Variants in RPS6KC1 observed in about 807,000 individuals in gnomAD.
RPS6KC1 encodes the protein inactive ribosomal protein S6 kinase delta-1.
In RPS6KC1, 54 loss-of-function variants were observed where a neutral mutation model predicts 103.8. The observed-to-expected ratio is 0.52, with a 90% confidence interval of 0.42 to 0.65. The LOEUF (loss-of-function observed/expected upper bound fraction) is 0.65, where lower values mean the gene tolerates loss of function less well. Among genes scored for constraint, RPS6KC1 ranks in the 30% least tolerant of loss-of-function variants. The probability of loss-of-function intolerance (pLI) is 0.00; values close to 1 mark genes in which losing one functional copy is unlikely to be tolerated. For synonymous variants in RPS6KC1, 439 were observed against 438.7 expected (o/e 1.00, Z -0.01); for missense variants, 1,151 against 1,253.8 (o/e 0.92, Z 1.24).
chr1:213,241,238 G>A lies in RPS6KC1; in HGVS notation c.1762G>A (p.Asp588Asn), dbSNP rs2094344743. The change falls in exon 11 of 15, where the codon GAT becomes AAT. Residue 588 changes from aspartate to asparagine, a missense_variant. Physicochemically the swap from Asp to Asn is conservative, Grantham distance 23. Coordinates refer to ENST00000366960, the MANE Select transcript of RPS6KC1 (RefSeq NM_012424.6). ...AGCAGTTAGTTCTCCAAGAACATCA[G>A]ATTCCCTCAGTAGATCAAAAAATAG... is the stretch of plus-strand genomic sequence containing the variant. The part of the protein sequence containing the change: ...PEAVSSPRTS[D>N]SLSRSKNSPM... The A allele has an allele frequency of 3.7e-6, 6 of 1,613,852 alleles. No individual in the cohort carries two copies. Among genetic ancestry groups the A allele is most frequent in the Non-Finnish European group, 5.1e-6 (6 of 1,179,864 alleles).
the RPS6KC1 span, among the ~76,000 whole-genome samples, chr1:213,751,163 G>A: frequency 1.3e-5 from 2 of 152,016 alleles, no homozygotes; most frequent in Non-Finnish European, 2.9e-5. Context: ...AGTGTATCTG[G>A]CCCAAAGTGC....
the RPS6KC1 span, among the ~76,000 whole-genome samples, chr1:213,721,619 A>G: frequency 6.6e-6 from 1 of 152,152 alleles, no homozygotes; most frequent in African/African-American, 2.4e-5. Flanking sequence ...ACAGACTAAT[A>G]TACCATGTCA....
the RPS6KC1 span, among the ~76,000 whole-genome samples, chr1:213,707,712 T>G: frequency 6.6e-6 from 1 of 152,252 alleles, no homozygotes; most frequent in Non-Finnish European, 1.5e-5. Flanking sequence ...TTGAGTTAAT[T>G]TTTGTATAAG....
chr1:213,235,496 G>A (rs1439085561), intron 10 of RPS6KC1, among the ~76,000 whole-genome samples: 1 of 152,112 alleles, frequency 6.6e-6, no homozygotes, highest in Admixed American at 6.6e-5. Context: ...TATATAGGGT[G>A]GTCATCTTAT....
At chr1:213,530,667 G>A in the RPS6KC1 span, among the ~76,000 whole-genome samples, 6 of 152,252 alleles carry the variant, frequency 3.9e-5, no homozygotes, top group Non-Finnish European at 7.3e-5. Flanking sequence ...AGGTGGACCT[G>A]ACTCTTGAGG....
the RPS6KC1 span, among the ~76,000 whole-genome samples, chr1:213,498,311 C>A: frequency 6.6e-6 from 1 of 152,132 alleles, no homozygotes; most frequent in Admixed American, 6.5e-5. Flanking sequence ...CAAGAATTTT[C>A]ATTCCAGTTA....
chr1:213,266,206 GGTCAACAAAA>G (rs1331519172), intron 14 of RPS6KC1, among the ~76,000 whole-genome samples: 2 of 152,030 alleles, frequency 1.3e-5, no homozygotes, highest in Non-Finnish European at 2.9e-5. Context: ...TATTGACACA[GGTCAACAAAA>G]TTCCAAAAAA....
chr1:213,088,165 C>T (rs531105869), intron 3 of RPS6KC1, among the ~76,000 whole-genome samples: 57 of 152,238 alleles, frequency 3.7e-4, no homozygotes, highest in African/African-American at 1.3e-3. Flanking sequence ...TGTGGTTCAA[C>T]GATGGCCCAG....
intron 8 of RPS6KC1, among the ~76,000 whole-genome samples, chr1:213,183,843 T>C (rs2148392421): frequency 6.6e-6 from 1 of 152,262 alleles, no homozygotes; most frequent in East Asian, 1.9e-4. Context: ...GTAAAGCTGG[T>C]TCTTTTCAAA....
the RPS6KC1 span, among the ~76,000 whole-genome samples, chr1:213,623,843 G>A: frequency 2.0e-5 from 3 of 152,210 alleles, no homozygotes; most frequent in Non-Finnish European, 2.9e-5. Context: ...TCTGTGGAGG[G>A]CAGCAAGGTG....
chr1:213,622,235 C>CT, the RPS6KC1 span, among the ~76,000 whole-genome samples: 1,223 of 144,552 alleles, frequency 8.5e-3, 13 homozygotes, highest in African/African-American at 0.012. Flanking sequence ...CAAGTAATGT[C>CT]TTTTTTTTTT....
At chr1:213,712,044 G>A in the RPS6KC1 span, among the ~76,000 whole-genome samples, 1 of 152,200 alleles carries the variant, frequency 6.6e-6, no homozygotes, top group Non-Finnish European at 1.5e-5. Flanking sequence ...CAAGCGCTGT[G>A]CCGGTACATC....
intron 8 of RPS6KC1, among the ~76,000 whole-genome samples, chr1:213,185,637 G>T (rs371485369): frequency 5.9e-5 from 9 of 151,882 alleles, no homozygotes; most frequent in African/African-American, 2.2e-4. Flanking sequence ...GGGTGACAGA[G>T]CAAGACTCTG....
At chr1:213,343,440 T>TATATATATATATATATATACAC in the RPS6KC1 span, among the ~76,000 whole-genome samples, 4 of 80,382 alleles carry the variant, frequency 5.0e-5, no homozygotes, top group Non-Finnish European at 7.6e-5. Context: ...TATATATATA[T>TATATATATATATATATATACAC]ACATACCATG....
the RPS6KC1 span, among the ~76,000 whole-genome samples, chr1:213,857,158 T>C: frequency 6.6e-6 from 1 of 152,208 alleles, no homozygotes; most frequent in East Asian, 1.9e-4. Flanking sequence ...AGGAGTGTTT[T>C]GGAGTGATGT....
chr1:213,181,126 G>T (rs967494023), intron 8 of RPS6KC1, among the ~76,000 whole-genome samples: 6 of 152,184 alleles, frequency 3.9e-5, no homozygotes, highest in African/African-American at 1.4e-4. Flanking sequence ...TTGAAACCCA[G>T]AGTATACTAA....
At chr1:213,610,487 G>A in the RPS6KC1 span, among the ~76,000 whole-genome samples, 5,066 of 152,182 alleles carry the variant, frequency 0.033, 117 homozygotes, top group Non-Finnish European at 0.05. Flanking sequence ...CGGAAACCTC[G>A]ACCATCAGGG....
At chr1:213,143,164 A>G (rs776321356) in intron 6 of RPS6KC1, among the ~76,000 whole-genome samples, 2 of 152,010 alleles carry the variant, frequency 1.3e-5, no homozygotes, top group African/African-American at 2.4e-5. Context: ...AGTAGATTCA[A>G]TTTCTTTAGT....
the RPS6KC1 span, among the ~76,000 whole-genome samples, chr1:213,575,419 T>C: frequency 1.3e-5 from 2 of 152,160 alleles, no homozygotes; most frequent in African/African-American, 2.4e-5. Flanking sequence ...CCCACCCAAA[T>C]CTCATCTTGA....
Sources: allele counts gnomAD v4.1 joint callset (sites outside exome capture counted in the v4.1 genomes callset), GRCh38; gene constraint gnomAD v4.1.1; transcripts MANE v1.5; gene names NCBI Gene and HGNC (gene_info 2026-07-23, HGNC 2026-07-21).